Variants in THNSL1 observed in about 807,000 individuals in gnomAD.
THNSL1 encodes the protein threonine synthase-like 1.
In THNSL1, 48 loss-of-function variants were observed where a neutral mutation model predicts 50.4. The ratio of observed to expected loss-of-function variants is 0.95; its 90% CI spans 0.76 to 1.21. The LOEUF is 1.21. Among genes scored for constraint, THNSL1 ranks in the 50% most tolerant of loss-of-function variants. The probability of loss-of-function intolerance (pLI) is 0.00; values close to 1 mark genes in which losing one functional copy is unlikely to be tolerated. For missense variants in THNSL1, 896 were observed against 871.7 expected (o/e 1.03, Z -0.35); for synonymous variants, 309 against 306.1 (o/e 1.01, Z -0.10).
rs1445352974 is a variant in THNSL1, at chr10:25,025,220, C to T, written c.1997C>T (p.Ala666Val). Residue 666 changes from alanine (A) to valine (V), a missense_variant, in exon 3 of 3, where the codon GCC becomes GTC. Transcript: ENST00000376356. ...KTCPVIISST[A>V]HYSKFAPAIM... The stretch of plus-strand genomic sequence containing the variant: ...TGCCCTGTGATTATCTCATCTACAG[C>T]CCATTACTCAAAGTTTGCACCTGCT... 1 of 1,614,160 alleles carries T rather than the reference C, an allele frequency of 6.2e-7. No individual in the cohort carries two copies. The highest frequency in any genetic ancestry group is 8.5e-7 in the Non-Finnish European group (1 of 1,180,026).
chr10:25,016,146 C>G, upstream of THNSL1: 4 of 1,223,046 alleles, frequency 3.3e-6, no homozygotes, highest in East Asian at 3.4e-5. Flanking sequence ...GATTGCTAAG[C>G]GTCGTTGACT....
the THNSL1 span, among the ~76,000 whole-genome samples, chr10:24,994,002 G>A: frequency 6.6e-6 from 1 of 152,002 alleles, no homozygotes; most frequent in Non-Finnish European, 1.5e-5. Context: ...CAGTTTCCAG[G>A]GGCCACAGAA....
the THNSL1 span, among the ~76,000 whole-genome samples, chr10:24,960,514 C>T: frequency 6.6e-6 from 1 of 152,032 alleles, no homozygotes; most frequent in African/African-American, 2.4e-5. Flanking sequence ...GCAACCTCCA[C>T]CTCCTGAGTT....
the THNSL1 span, chr10:24,999,566 G>T: frequency 3.2e-6 from 5 of 1,582,580 alleles, no homozygotes; most frequent in Non-Finnish European, 4.3e-6. Context: ...AATTTTAAAA[G>T]TTGTAGCATT....
chr10:24,963,220 A>G, the THNSL1 span, among the ~76,000 whole-genome samples: 1 of 152,164 alleles, frequency 6.6e-6, no homozygotes, highest in Admixed American at 6.6e-5. Flanking sequence ...ATATAGACAG[A>G]ATGCCTTAGC....
chr10:25,009,224 G>A, the THNSL1 span, among the ~76,000 whole-genome samples: 1 of 151,932 alleles, frequency 6.6e-6, no homozygotes, highest in Non-Finnish European at 1.5e-5. Flanking sequence ...CCTGCACATT[G>A]TGCATATGTA....
the THNSL1 span, among the ~76,000 whole-genome samples, chr10:24,977,849 A>T: frequency 6.6e-6 from 1 of 152,216 alleles, no homozygotes; most frequent in Non-Finnish European, 1.5e-5. Flanking sequence ...TGGTAGCAGA[A>T]GTTCAGGAAT....
At chr10:25,001,949 T>C in the THNSL1 span, among the ~76,000 whole-genome samples, 1 of 152,254 alleles carries the variant, frequency 6.6e-6, no homozygotes, top group Non-Finnish European at 1.5e-5. Flanking sequence ...TTTACATTGT[T>C]TGTTGCTGAA....
At chr10:25,015,094 A>G (rs1358075589), upstream of THNSL1, among the ~76,000 whole-genome samples, 1 of 152,224 alleles carries the variant, frequency 6.6e-6, no homozygotes, top group Non-Finnish European at 1.5e-5. Flanking sequence ...CCTAGGAGAA[A>G]TGAGATTTTC....
chr10:24,990,594 G>A, the THNSL1 span: 19 of 1,598,720 alleles, frequency 1.2e-5, no homozygotes, highest in Non-Finnish European at 1.6e-5. Flanking sequence ...ATGTATTCAG[G>A]TGTGACACCA....
chr10:25,009,567 T>C, the THNSL1 span, among the ~76,000 whole-genome samples: 11 of 152,344 alleles, frequency 7.2e-5, no homozygotes, highest in African/African-American at 2.6e-4. Context: ...AAAGTATTGC[T>C]ATCAGCCTAG....
the THNSL1 span, among the ~76,000 whole-genome samples, chr10:24,957,077 C>T: frequency 1.1e-3 from 170 of 152,270 alleles, no homozygotes; most frequent in African/African-American, 3.7e-3. Context: ...GAGACTACTG[C>T]GTTAGTGTAC....
chr10:25,011,359 G>A, the THNSL1 span, among the ~76,000 whole-genome samples: 1 of 152,058 alleles, frequency 6.6e-6, no homozygotes, highest in South Asian at 2.1e-4. Context: ...TTTGTCAGAT[G>A]AGTAGGTTGC....
chr10:25,016,219 G>C, upstream of THNSL1: 1 of 1,118,540 alleles, frequency 8.9e-7, no homozygotes, highest in Non-Finnish European at 1.1e-6. Flanking sequence ...CCGCAAACTA[G>C]GTCTCCCCTC....
At chr10:25,008,831 C>G in the THNSL1 span, among the ~76,000 whole-genome samples, 1 of 152,252 alleles carries the variant, frequency 6.6e-6, no homozygotes, top group East Asian at 1.9e-4. Flanking sequence ...GCACTATTCA[C>G]AATAGCAAAG....
intron 1 of THNSL1, among the ~76,000 whole-genome samples, chr10:25,020,834 A>G (rs1037730171): frequency 3.3e-5 from 5 of 152,192 alleles, no homozygotes; most frequent in African/African-American, 9.7e-5. Context: ...ATGTATTGCA[A>G]ACTCAAAAAG....
chr10:24,999,277 TTC>T, the THNSL1 span: 1 of 938,908 alleles, frequency 1.1e-6, no homozygotes, highest in Admixed American at 3.0e-5. Context: ...CCTAGTCAAA[TTC>T]TGTTTAATAT....
the THNSL1 span, among the ~76,000 whole-genome samples, chr10:24,968,243 G>C: frequency 6.6e-6 from 1 of 152,230 alleles, no homozygotes; most frequent in East Asian, 1.9e-4. Flanking sequence ...TCTCTCTGTT[G>C]CCTTTTTCCT....
At chr10:24,957,075 T>C in the THNSL1 span, among the ~76,000 whole-genome samples, 1 of 152,232 alleles carries the variant, frequency 6.6e-6, no homozygotes, top group African/African-American at 2.4e-5. Flanking sequence ...TTGAGACTAC[T>C]GCGTTAGTGT....
Sources: gnomAD v4.1 joint callset for allele counts (sites outside exome capture counted in the v4.1 genomes callset) on GRCh38, gnomAD v4.1.1 for gene constraint, MANE v1.5 for transcripts, NCBI Gene and HGNC (gene_info 2026-07-23, HGNC 2026-07-21) for gene names.